TRIM14: variants seen among roughly 807,000 people sequenced by gnomAD.
TRIM14 encodes the protein tripartite motif containing 14.
A neutral mutation model predicts 44.5 loss-of-function variants in TRIM14; 28 were observed. That is an observed-to-expected ratio of 0.63 (90% confidence interval 0.47 to 0.86). The LOEUF is 0.86. TRIM14 is among the 40% of genes least tolerant of loss of function. The pLI is 0.00. For synonymous variants in TRIM14, 299 were observed against 269.2 expected (o/e 1.11, Z -1.08); for missense variants, 607 against 611.1 (o/e 0.99, Z 0.07).
In TRIM14 at chr9:98,095,336, A is replaced by C. The variant is rs1481053209; in HGVS notation, c.538-307T>G. Among the ~76,000 whole-genome samples the C allele has an allele frequency of 6.6e-6, 1 of 152,192 alleles. No individual in the cohort carries two copies. The highest frequency in any genetic ancestry group is 1.5e-5 in the Non-Finnish European group (1 of 68,024). ...GAAACCTACTCTGTGCCAGCTATGCATGCAGAAGGCAGGGTCAGGCTGACA... is the reference window on the plus strand; with the variant it reads ...GAAACCTACTCTGTGCCAGCTATGCCTGCAGAAGGCAGGGTCAGGCTGACA... On this transcript the variant is annotated intron_variant, in intron 3 of 5. Coordinates refer to ENST00000341469, the MANE Select transcript of TRIM14 (RefSeq NM_014788.4). The surrounding 1 kb of genome is among the most constrained non-coding windows in gnomAD (Gnocchi z 4.1).
At chr9:98,117,244 G>T (rs1827086270) in intron 1 of TRIM14, among the ~76,000 whole-genome samples, 2 of 151,940 alleles carry the variant, frequency 1.3e-5, no homozygotes, top group African/African-American at 4.8e-5. Context: ...AGTGGAATAG[G>T]TTTGGTGTTG....
intron 4 of TRIM14, 131 bp downstream of exon 4, chr9:98,094,736 G>T: frequency 9.4e-7 from 1 of 1,062,986 alleles, no homozygotes. Flanking sequence ...AGGCCCAGGA[G>T]CCCCTGACCG....
intron 6 of TRIM14, chr9:98,078,166 T>G: frequency 6.2e-7 from 1 of 1,614,106 alleles, no homozygotes; most frequent in Non-Finnish European, 8.5e-7. Flanking sequence ...GAGAAAGTGC[T>G]GATGGTGTTG....
At chr9:98,093,004 C>T (rs192518256) in intron 4 of TRIM14, among the ~76,000 whole-genome samples, 2 of 152,280 alleles carry the variant, frequency 1.3e-5, no homozygotes, top group Admixed American at 1.3e-4. Context: ...CTCCCCTCTC[C>T]CCAGAACTCT....
chr9:98,115,385 G>A (rs991764557), intron 1 of TRIM14, among the ~76,000 whole-genome samples: 35 of 152,152 alleles, frequency 2.3e-4, no homozygotes, highest in African/African-American at 8.0e-4. Flanking sequence ...CGAGTAGCTG[G>A]GATTACAGGT....
downstream of TRIM14, chr9:98,082,075 A>C (rs573465646): frequency 6.6e-6 from 1 of 152,156 alleles, no homozygotes; most frequent in Non-Finnish European, 1.5e-5. Flanking sequence ...CGTGGAGGAT[A>C]TAGAGTAATA....
Position 98,095,015 on chromosome 9 carries a change from G to A in TRIM14, c.552C>T (p.Thr184=), listed in dbSNP as rs190153499. The A allele has an allele frequency of 9.3e-6, 15 of 1,613,614 alleles. No homozygotes were observed. The highest frequency in any genetic ancestry group is 4.5e-5 in the East Asian group (2 of 44,878). Residue 184 remains threonine, a synonymous_variant, in exon 4 of 6, where the codon ACC becomes ACT. Transcript: ENST00000341469. This position sits in a 1 kb window ranked among gnomAD's most constrained non-coding sequence, Gnocchi z 4.1. ...PVQRLQAYTA[T]EQEMQQQMSL... The stretch of plus-strand genomic sequence containing the variant: ...TCATCTGCTGCTGCATCTCCTGCTC[G>A]GTGGCCGTGTATGCCTGTGTGGGCA...
At chr9:98,044,005 CTTTT>C in the TRIM14 span, among the ~76,000 whole-genome samples, 6 of 131,248 alleles carry the variant, frequency 4.6e-5, no homozygotes, top group African/African-American at 8.8e-5. Flanking sequence ...TATTTGTTTC[CTTTT>C]TTTTTTTTTT....
rs539551837 is a variant in TRIM14 at position 98,105,800 on chromosome 9, G to A, written c.303+4089C>T. Among the ~76,000 whole-genome samples the A allele has an allele frequency of 2.0e-5, 3 of 152,200 alleles. No individual in the cohort carries two copies. The East Asian group carries it at 5.8e-4, about 29-fold the overall frequency. ...GCCACATTCCAGCTGAGAGTGGAAA[G>A]GAGTGACCTGCATCAAGTCAGATCC... On this transcript the variant is annotated intron_variant, in intron 2 of 5. Coordinates refer to ENST00000341469, the MANE Select transcript of TRIM14 (RefSeq NM_014788.4).
chr9:98,093,511 G>T (rs1457901248), intron 4 of TRIM14, among the ~76,000 whole-genome samples: 1 of 152,170 alleles, frequency 6.6e-6, no homozygotes, highest in Non-Finnish European at 1.5e-5. Flanking sequence ...GCAGGGTTCA[G>T]CAGGGTTCCA....
intron 2 of TRIM14, among the ~76,000 whole-genome samples, chr9:98,101,807 G>A (rs1826403289): frequency 6.6e-6 from 1 of 152,102 alleles, no homozygotes; most frequent in South Asian, 2.1e-4. Flanking sequence ...TGTGCATGAA[G>A]ATTTGTGTAC....
intron 2 of TRIM14, among the ~76,000 whole-genome samples, chr9:98,100,906 C>G (rs1826364448): frequency 6.6e-6 from 1 of 152,054 alleles, no homozygotes; most frequent in Admixed American, 6.5e-5. Flanking sequence ...TCCAGTTAAA[C>G]TAAAACACTG....
Position 98,095,012 on chromosome 9 carries a change from C to T in TRIM14, c.555G>A (p.Glu185=). The T allele has an allele frequency of 5.0e-6, 8 of 1,613,768 alleles. No homozygotes were observed. The highest frequency in any genetic ancestry group is 6.8e-6 in the Non-Finnish European group (8 of 1,179,926). The part of the protein sequence containing the change: ...VQRLQAYTAT[E]QEMQQQMSLG... Reference sequence around the variant, plus strand: ...GGCTCATCTGCTGCTGCATCTCCTGCTCGGTGGCCGTGTATGCCTGTGTGG... The same window carrying T: ...GGCTCATCTGCTGCTGCATCTCCTGTTCGGTGGCCGTGTATGCCTGTGTGG... The change falls in exon 4 of 6, where the codon GAG becomes GAA. Residue 185 remains glutamate, a synonymous_variant. Transcript: ENST00000341469. This position sits in a 1 kb window ranked among gnomAD's most constrained non-coding sequence, Gnocchi z 4.1.
downstream of TRIM14, among the ~76,000 whole-genome samples, chr9:98,066,735 C>T (rs1294608869): frequency 1.3e-5 from 2 of 151,824 alleles, no homozygotes; most frequent in East Asian, 3.9e-4. Flanking sequence ...ACTGCAACCT[C>T]CACCTCTCAG....
the TRIM14 span, among the ~76,000 whole-genome samples, chr9:98,054,115 C>T: frequency 6.6e-6 from 1 of 152,028 alleles, no homozygotes; most frequent in Non-Finnish European, 1.5e-5. Flanking sequence ...GAGAGTTACC[C>T]CTTAACAGTC....
At chr9:98,118,948 C>A (rs767274664) in intron 1 of TRIM14, 34 bp downstream of exon 1, 1 of 1,476,016 alleles carries the variant, frequency 6.8e-7, no homozygotes, top group African/African-American at 1.5e-5. Flanking sequence ...TCCCCCAACT[C>A]CCGCGCGGCG....
At chr9:98,076,380 CT>C (rs200078832) in intron 6 of TRIM14, 257 of 145,872 alleles carry the variant, frequency 1.8e-3, no homozygotes, top group Middle Eastern at 7.0e-3. Context: ...TTTCCAGATT[CT>C]TTTTTTTTTT....
chr9:98,044,915 C>A, the TRIM14 span, among the ~76,000 whole-genome samples: 16 of 152,124 alleles, frequency 1.1e-4, no homozygotes, highest in South Asian at 1.5e-3. Flanking sequence ...GAGTTTGAGA[C>A]CACCCTGTGC....
At chr9:98,036,067 G>C in the TRIM14 span, among the ~76,000 whole-genome samples, 2 of 151,870 alleles carry the variant, frequency 1.3e-5, no homozygotes, top group East Asian at 1.9e-4. Flanking sequence ...AAATTAGCCA[G>C]GCGTGGTGGC....
Sources: allele counts gnomAD v4.1 joint callset (sites outside exome capture counted in the v4.1 genomes callset), GRCh38; gene constraint gnomAD v4.1.1; non-coding constraint Gnocchi (gnomAD v3.1); transcripts MANE v1.5; gene names NCBI Gene and HGNC (gene_info 2026-07-23, HGNC 2026-07-21).